Variants in CFAP57 observed in about 807,000 individuals in gnomAD.
CFAP57 encodes cilia- and flagella-associated protein 57.
In CFAP57, 116 loss-of-function variants were observed where a neutral mutation model predicts 146.8. The ratio of observed to expected loss-of-function variants is 0.79; its 90% CI spans 0.68 to 0.92. CFAP57 has a LOEUF of 0.92. Ranked by LOEUF, CFAP57 falls within the 40% of genes least tolerant of loss-of-function variation. The probability of loss-of-function intolerance (pLI) is 0.00; values close to 1 mark genes in which losing one functional copy is unlikely to be tolerated. For synonymous variants in CFAP57, 518 were observed against 552.8 expected (o/e 0.94, Z 0.88); for missense variants, 1,377 against 1,527.2 (o/e 0.90, Z 1.64).
intron 22 of CFAP57, among the ~76,000 whole-genome samples, chr1:43,244,140 G>A (rs1377398742): frequency 1.3e-5 from 2 of 152,170 alleles, no homozygotes; most frequent in Admixed American, 6.5e-5. Context: ...CATTTTTCAA[G>A]TATCCACTCC....
chr1:43,222,711 C>T (rs1411125651), intron 15 of CFAP57, 113 bp from the exon 16 acceptor site: 7 of 1,226,740 alleles, frequency 5.7e-6, no homozygotes, highest in East Asian at 5.4e-5. Context: ...GAATGACACT[C>T]GCCTTTGACT....
chr1:43,178,483 C>G (rs1464477136), intron 2 of CFAP57, among the ~76,000 whole-genome samples: 2 of 152,124 alleles, frequency 1.3e-5, no homozygotes, highest in African/African-American at 4.8e-5. Flanking sequence ...AGGATATGAA[C>G]AGACACTTCT....
chr1:43,223,105 C>T, intron 16 of CFAP57, 108 bp downstream of exon 16: 1 of 1,247,034 alleles, frequency 8.0e-7, no homozygotes, highest in Non-Finnish European at 1.1e-6. Flanking sequence ...CCTGCCTGTC[C>T]CCATCTTCAG....
chr1:43,204,024 T>C (rs1644248027), intron 9 of CFAP57, among the ~76,000 whole-genome samples: 1 of 152,218 alleles, frequency 6.6e-6, no homozygotes, highest in African/African-American at 2.4e-5. Flanking sequence ...TTAATGTTAA[T>C]TTTTCTTGAT....
At chr1:43,228,191 C>A (rs1369724789) in intron 18 of CFAP57, among the ~76,000 whole-genome samples, 1 of 152,216 alleles carries the variant, frequency 6.6e-6, no homozygotes, top group Non-Finnish European at 1.5e-5. Flanking sequence ...CCTCTCCAGC[C>A]TCCTCTCACA....
At position 43,186,870 on chromosome 1, in the gene CFAP57, C is replaced by A. The variant is rs552506650; in HGVS notation, c.1122+11C>A. The A allele has an allele frequency of 3.1e-6, 5 of 1,614,076 alleles. No homozygotes were observed. Among genetic ancestry groups the A allele is most frequent in the Non-Finnish European group, 4.2e-6 (5 of 1,179,990 alleles). ...ACAGAGATCAGCAAGGTGAGTCTTT[C>A]CAGCAATGGTCCTTCCAGACCAGGA... is the stretch of plus-strand genomic sequence containing the variant. On this transcript the variant is annotated intron_variant, in intron 6 of 22. Coordinates refer to ENST00000372492, the MANE Select transcript of CFAP57 (RefSeq NM_001378189.1).
At chr1:43,185,413 C>A in intron 5 of CFAP57, 57 bp downstream of exon 5, 1 of 1,526,996 alleles carries the variant, frequency 6.5e-7, no homozygotes, top group Non-Finnish European at 9.0e-7. Flanking sequence ...ATTTGTTCCC[C>A]AGCAGCAGTT....
At chr1:43,213,039 C>T (rs1557783100) in intron 11 of CFAP57, among the ~76,000 whole-genome samples, 1 of 152,064 alleles carries the variant, frequency 6.6e-6, no homozygotes, top group Non-Finnish European at 1.5e-5. Flanking sequence ...CCAACCCATA[C>T]ACTCTTCCCT....
intron 17 of CFAP57, among the ~76,000 whole-genome samples, 182 bp from the exon 18 acceptor site, chr1:43,226,801 G>T (rs1290405066): frequency 5.9e-5 from 9 of 152,182 alleles, no homozygotes; most frequent in Non-Finnish European, 1.5e-5. Flanking sequence ...AGAGGCTGAG[G>T]GGTCTGTGCT....
At chr1:43,243,413 C>T in intron 22 of CFAP57, 54 bp downstream of exon 22, 1 of 1,439,256 alleles carries the variant, frequency 6.9e-7, no homozygotes. Context: ...GGATTGATGG[C>T]AGCTGCAGGC....
At chr1:43,202,782 CA>C (rs1190648434) in intron 9 of CFAP57, among the ~76,000 whole-genome samples, 10 of 124,846 alleles carry the variant, frequency 8.0e-5, no homozygotes, top group South Asian at 2.6e-4. Context: ...GACCCTACCT[CA>C]AAAAAAAAAC....
Position 43,172,884 on chromosome 1 carries a change from A to G in CFAP57, c.131A>G (p.Asp44Gly). ...SGNHCVKYNV[D>G]QKWQKFIPGS... Reference sequence around the variant, plus strand: ...AATCACTGTGTGAAGTACAATGTGGATCAGAAATGGCAAAAATTCATTCCA... The same window carrying G: ...AATCACTGTGTGAAGTACAATGTGGGTCAGAAATGGCAAAAATTCATTCCA... Residue 44 changes from aspartate (D) to glycine (G), a missense_variant, in exon 2 of 23, where the codon GAT (aspartate) becomes GGT (glycine). Physicochemically the swap from Asp to Gly is moderately conservative, Grantham distance 94. Coordinates refer to ENST00000372492, the MANE Select transcript of CFAP57 (RefSeq NM_001378189.1). 1 of 1,614,148 alleles carries G rather than the reference A, an allele frequency of 6.2e-7. No individual in the cohort carries two copies. Among genetic ancestry groups the G allele is most frequent in the African/African-American group, 1.3e-5 (1 of 75,040 alleles).
rs6684056 is a variant in CFAP57 at position 43,232,428 on chromosome 1, A to T, written c.3010-80A>T. The T allele has an allele frequency of 2.1e-3, 2,456 of 1,193,040 alleles. 34 individuals carry two copies. In the African/African-American group the frequency reaches 0.034, roughly 16 times the overall value. The allele number at this position is 1,193,040 out of a possible 1,614,324, so 73.9% of individuals were successfully genotyped here. Reference sequence around the variant, plus strand: ...CCCGGGTGTCAGGGGTGGCATCCCCACTGAAAGACTACAGTTCTCAAATAC... The same window carrying T: ...CCCGGGTGTCAGGGGTGGCATCCCCTCTGAAAGACTACAGTTCTCAAATAC... On this transcript the variant is annotated intron_variant, in intron 18 of 22. Coordinates refer to ENST00000372492, the MANE Select transcript of CFAP57 (RefSeq NM_001378189.1).
chr1:43,179,747 A>G (rs1569823178), intron 2 of CFAP57, among the ~76,000 whole-genome samples: 1 of 152,078 alleles, frequency 6.6e-6, no homozygotes, highest in East Asian at 1.9e-4. Context: ...TCCGTACCCA[A>G]CTGTTCCACA....
chr1:43,227,717 C>G (rs1317140461), intron 18 of CFAP57, among the ~76,000 whole-genome samples: 1 of 152,122 alleles, frequency 6.6e-6, no homozygotes, highest in East Asian at 1.9e-4. Context: ...ATGCCCCCCA[C>G]CACACGCCAC....
intron 22 of CFAP57, among the ~76,000 whole-genome samples, chr1:43,251,687 A>G (rs1190157471): frequency 6.6e-6 from 1 of 152,274 alleles, no homozygotes; most frequent in East Asian, 1.9e-4. Context: ...TGTATACTAC[A>G]TGGCTCAACT....
intron 12 of CFAP57, 117 bp from the exon 13 acceptor site, chr1:43,219,265 G>A: frequency 9.1e-7 from 1 of 1,100,196 alleles, no homozygotes; most frequent in Non-Finnish European, 1.3e-6. Context: ...TTCTAGTTGA[G>A]ACACATTGAG....
intron 21 of CFAP57, among the ~76,000 whole-genome samples, chr1:43,237,332 A>G (rs917192807): frequency 1.1e-4 from 17 of 152,230 alleles, no homozygotes; most frequent in African/African-American, 3.9e-4. Context: ...AAGAGTTGCT[A>G]TGAGATACAA....
At position 43,198,401 on chromosome 1, in the gene CFAP57, C is replaced by T. The variant is rs138771187; in HGVS notation, c.1263-80C>T. The T allele has an allele frequency of 5.0e-4, 726 of 1,454,372 alleles. 4 individuals are homozygous for T. The African/African-American group carries it at 9.4e-3, about 19-fold the overall frequency. The allele number at this position is 1,454,372 out of a possible 1,614,324, so 90.1% of individuals were successfully genotyped here. The stretch of plus-strand genomic sequence containing the variant: ...TAGTGTGTCTCAAATACGATGATAA[C>T]AATATATATCAGATACAGTAGATGA... On this transcript the variant is annotated intron_variant, in intron 7 of 22. Transcript: ENST00000372492.
Sources: gnomAD v4.1 joint callset for allele counts (sites outside exome capture counted in the v4.1 genomes callset) on GRCh38, gnomAD v4.1.1 for gene constraint, MANE v1.5 for transcripts, NCBI Gene and HGNC (gene_info 2026-07-23, HGNC 2026-07-21) for gene names.